The following ERI3 variants were observed in gnomAD, a reference collection of about 807,000 sequenced individuals.
The protein encoded by ERI3 is ERI1 exoribonuclease family member 3.
A neutral mutation model predicts 44.4 loss-of-function variants in ERI3; 18 were observed. That is an observed-to-expected ratio of 0.41 (90% CI 0.28 to 0.60). The LOEUF is 0.60. ERI3 is among the 20% of genes least tolerant of loss of function. The pLI is 0.36. For missense variants in ERI3, 294 were observed against 435.5 expected (o/e 0.68, Z 2.89); for synonymous variants, 183 against 164.8 (o/e 1.11, Z -0.84).
At chr1:44,322,858 A>G (rs1157083255) in intron 3 of ERI3, 2 of 1,547,306 alleles carry the variant, frequency 1.3e-6, no homozygotes, top group Admixed American at 2.0e-5. Flanking sequence ...CACCTGAAGC[A>G]TGACAAACAT....
chr1:44,230,928 C>T (rs1473075354), intron 8 of ERI3, among the ~76,000 whole-genome samples: 2 of 152,136 alleles, frequency 1.3e-5, no homozygotes, highest in Non-Finnish European at 1.5e-5. Context: ...CTGACAATAA[C>T]AATAACAAGG....
rs369180680 is a variant in ERI3 at position 44,286,195 on chromosome 1, T to G, written c.759-1288A>C. Among the ~76,000 whole-genome samples, 6 of 152,316 alleles carry G rather than the reference T, an allele frequency of 3.9e-5. No homozygotes were observed. In the South Asian group the frequency reaches 6.2e-4, roughly 16 times the overall value. On this transcript the variant is annotated intron_variant, in intron 6 of 8. Coordinates refer to ENST00000372257, the MANE Select transcript of ERI3 (RefSeq NM_024066.3). The stretch of plus-strand genomic sequence containing the variant: ...AGCATTTGGTCAATTTTATTATTGT[T>G]TTAAAATGCTCTACCTGTAGCATAC...
At chr1:44,332,002 T>C (rs920072377) in intron 3 of ERI3, among the ~76,000 whole-genome samples, 2 of 152,210 alleles carry the variant, frequency 1.3e-5, no homozygotes, top group African/African-American at 4.8e-5. Context: ...CCTCCTTGAC[T>C]ATGAGCTCCT....
At chr1:44,275,371 C>T (rs957485622) in intron 7 of ERI3, among the ~76,000 whole-genome samples, 2 of 152,226 alleles carry the variant, frequency 1.3e-5, no homozygotes, top group African/African-American at 4.8e-5. Context: ...AGCCTCCAAT[C>T]TGCATCATCC....
In ERI3 at chr1:44,262,057, A is replaced by C. The variant is rs917004971; in HGVS notation, c.832-14019T>G. Among the ~76,000 whole-genome samples the C allele has an allele frequency of 1.9e-4, 29 of 152,182 alleles. 1 individual carries two copies. The highest frequency in any genetic ancestry group is 3.4e-4 in the Non-Finnish European group (23 of 68,034). ...CCTTAGGCTCCAGACAGTGCAATCC[A>C]AGGCCCTCCACCCACCGCAGCCCAG... On this transcript the variant is annotated intron_variant, in intron 7 of 8. Transcript: ENST00000372257.
At chr1:44,348,131 G>A (rs982035429) in intron 2 of ERI3, among the ~76,000 whole-genome samples, 1 of 152,172 alleles carries the variant, frequency 6.6e-6, no homozygotes, top group Non-Finnish European at 1.5e-5. Flanking sequence ...ACAGAGCAGG[G>A]CCTAAGCAGC....
intron 3 of ERI3, chr1:44,322,824 G>A (rs1304376133): frequency 1.3e-6 from 2 of 1,550,086 alleles, no homozygotes; most frequent in African/African-American, 1.4e-5. Context: ...TCTGCACCAA[G>A]TTGGCACAAC....
At chr1:44,258,959 A>T (rs1557794132) in intron 7 of ERI3, among the ~76,000 whole-genome samples, 1 of 152,190 alleles carries the variant, frequency 6.6e-6, no homozygotes, top group Non-Finnish European at 1.5e-5. Context: ...TGGCTCCTGT[A>T]TCTTCCTTGG....
intron 4 of ERI3, among the ~76,000 whole-genome samples, chr1:44,319,126 G>A (rs1390362976): frequency 6.6e-6 from 1 of 152,210 alleles, no homozygotes; most frequent in Non-Finnish European, 1.5e-5. Flanking sequence ...TGGCCAGCCA[G>A]GTCTCATGCT....
At chr1:44,273,138 G>A (rs1266884940) in intron 7 of ERI3, among the ~76,000 whole-genome samples, 2 of 152,216 alleles carry the variant, frequency 1.3e-5, no homozygotes, top group Admixed American at 1.3e-4. Flanking sequence ...ATCGAGAAAT[G>A]TATTCTGTAT....
intron 3 of ERI3, among the ~76,000 whole-genome samples, chr1:44,332,700 G>A (rs1989951): frequency 0.25 from 38,411 of 152,180 alleles, 4,927 homozygotes; most frequent in Non-Finnish European, 0.26. Flanking sequence ...TTGCAATACA[G>A]CCAAGACTCG....
intron 3 of ERI3, among the ~76,000 whole-genome samples, chr1:44,332,615 C>A (rs983386698): frequency 6.6e-6 from 1 of 152,226 alleles, no homozygotes; most frequent in Non-Finnish European, 1.5e-5. Flanking sequence ...GCTCCATTCC[C>A]CGAGATGTAT....
At chr1:44,301,421 C>G (rs138658835) in intron 6 of ERI3, among the ~76,000 whole-genome samples, 1 of 152,216 alleles carries the variant, frequency 6.6e-6, no homozygotes, top group African/African-American at 2.4e-5. Context: ...GCCCTGACTA[C>G]AGCCTCAGTT....
intron 7 of ERI3, among the ~76,000 whole-genome samples, chr1:44,260,202 A>G (rs988884056): frequency 9.9e-5 from 15 of 152,218 alleles, no homozygotes; most frequent in African/African-American, 3.6e-4. Context: ...CAGACACAGA[A>G]ACCAGTAATG....
intron 5 of ERI3, among the ~76,000 whole-genome samples, chr1:44,310,087 A>G (rs1645921393): frequency 6.6e-6 from 1 of 152,220 alleles, no homozygotes; most frequent in African/African-American, 2.4e-5. Context: ...TAATGTTTTA[A>G]GTACCTACCA....
chr1:44,264,124 A>G (rs984193070), intron 7 of ERI3, among the ~76,000 whole-genome samples: 1 of 152,258 alleles, frequency 6.6e-6, no homozygotes, highest in Non-Finnish European at 1.5e-5. Context: ...AGCTCCAGCA[A>G]AGCGAAATCA....
intron 3 of ERI3, among the ~76,000 whole-genome samples, chr1:44,330,238 G>A (rs982556704): frequency 1.3e-4 from 20 of 152,060 alleles, no homozygotes; most frequent in East Asian, 5.8e-4. Context: ...CAGCAACGTC[G>A]GCATCTCCAA....
chr1:44,277,296 C>T (rs1645199315), intron 7 of ERI3, among the ~76,000 whole-genome samples: 2 of 152,162 alleles, frequency 1.3e-5, no homozygotes, highest in Non-Finnish European at 2.9e-5. Flanking sequence ...CTCTCACCTC[C>T]TCAGAGGCCT....
intron 2 of ERI3, among the ~76,000 whole-genome samples, chr1:44,342,653 G>T (rs1646677973): frequency 7.0e-6 from 1 of 143,416 alleles, no homozygotes; most frequent in African/African-American, 2.6e-5. Flanking sequence ...TTGCCTTCTT[G>T]TTTTTTTTTT....
Sources: gnomAD v4.1 joint callset for allele counts (sites outside exome capture counted in the v4.1 genomes callset) on GRCh38, gnomAD v4.1.1 for gene constraint, MANE v1.5 for transcripts, NCBI Gene and HGNC (gene_info 2026-07-23, HGNC 2026-07-21) for gene names.